The following SHROOM3 variants were observed in gnomAD, a reference collection of about 807,000 sequenced individuals.
SHROOM3 encodes protein Shroom3.
A neutral mutation model predicts 138.6 loss-of-function variants in SHROOM3; 47 were observed. That is an observed-to-expected ratio of 0.34 (90% confidence interval 0.27 to 0.43). SHROOM3 has a LOEUF of 0.43. SHROOM3 is among the 20% of genes least tolerant of loss of function. SHROOM3 has a pLI of 1.00. For missense variants in SHROOM3, 2,491 were observed against 2,596.5 expected (o/e 0.96, Z 0.88); for synonymous variants, 1,062 against 1,063.3 (o/e 1.00, Z 0.02).
In SHROOM3 at chr4:76,753,948, T is replaced by C. The variant is rs138726938; in HGVS notation, c.3828-363T>C. 3.9e-3 allele frequency among the ~76,000 whole-genome samples: 596 copies of C among 152,316 alleles called. 1 individual carries two copies. The highest frequency in any genetic ancestry group is 0.014 in the Middle Eastern group (4 of 294). ...AGCTGGGAGCTATTTCCTGAAGTAGTCCTAAAAGGGGCTGAAGAAATGTAC... is the reference window on the plus strand; with the variant it reads ...AGCTGGGAGCTATTTCCTGAAGTAGCCCTAAAAGGGGCTGAAGAAATGTAC... On this transcript the variant is annotated intron_variant, in intron 6 of 10. Transcript: ENST00000296043.
In SHROOM3 at chr4:76,638,060, G is replaced by C. The variant is rs181778279; in HGVS notation, c.324-72096G>C. ...GGACACCTAAGAGGTTATCTTCTTG[G>C]AGAGGTCAAAGAAAGCTTTTGCCAA... is the stretch of plus-strand genomic sequence containing the variant. On this transcript the variant is annotated intron_variant, in intron 2 of 10. Transcript: ENST00000296043. 4.8e-3 allele frequency among the ~76,000 whole-genome samples: 734 copies of C among 152,234 alleles called. 9 individuals carry two copies. The highest frequency in any genetic ancestry group is 8.7e-3 in the Non-Finnish European group (591 of 68,024).
intron 6 of SHROOM3, among the ~76,000 whole-genome samples, chr4:76,752,474 C>CT (rs200154141): frequency 7.5e-4 from 108 of 144,764 alleles, no homozygotes; most frequent in South Asian, 1.3e-3. Context: ...AATGCTTTTT[C>CT]TTTTTTTTTT....
chr4:76,650,832 T>C (rs1452780139), intron 2 of SHROOM3, among the ~76,000 whole-genome samples: 1 of 152,160 alleles, frequency 6.6e-6, no homozygotes, highest in Non-Finnish European at 1.5e-5. Flanking sequence ...CATGAGCCAC[T>C]GCGCTGGCCT....
chr4:76,518,042 G>A (rs1301901084), intron 1 of SHROOM3, among the ~76,000 whole-genome samples: 1 of 152,202 alleles, frequency 6.6e-6, no homozygotes, highest in Non-Finnish European at 1.5e-5. Context: ...CTTTTAAAAT[G>A]AGAGATTTAT....
chr4:76,463,421 C>T (rs997101441), intron 1 of SHROOM3, among the ~76,000 whole-genome samples: 1 of 152,150 alleles, frequency 6.6e-6, no homozygotes, highest in African/African-American at 2.4e-5. Context: ...GAAATTAGAA[C>T]TTATATTTAA....
chr4:76,688,549 G>A, intron 2 of SHROOM3: 1 of 985,344 alleles, frequency 1.0e-6, no homozygotes, highest in Non-Finnish European at 1.2e-6. Flanking sequence ...TTTCATCTCT[G>A]GAGGTGACAC....
intron 6 of SHROOM3, among the ~76,000 whole-genome samples, chr4:76,750,099 C>T (rs1721571004): frequency 6.6e-6 from 1 of 152,112 alleles, no homozygotes; most frequent in African/African-American, 2.4e-5. Context: ...GCTTTCTAGC[C>T]AAGATCAGCC....
intron 1 of SHROOM3, among the ~76,000 whole-genome samples, chr4:76,442,639 T>G (rs1352837053): frequency 6.6e-6 from 1 of 151,692 alleles, no homozygotes; most frequent in East Asian, 1.9e-4. Context: ...TCGATCTCCT[T>G]ACCTTATGAT....
intron 2 of SHROOM3, among the ~76,000 whole-genome samples, chr4:76,624,254 C>T (rs191512778): frequency 2.0e-5 from 3 of 152,064 alleles, no homozygotes; most frequent in African/African-American, 4.8e-5. Flanking sequence ...GTCCTTCCGT[C>T]GTCTGGGGCC....
intron 2 of SHROOM3, among the ~76,000 whole-genome samples, chr4:76,586,765 C>G (rs183438452): frequency 6.6e-6 from 1 of 152,330 alleles, no homozygotes; most frequent in South Asian, 2.1e-4. Context: ...AGTAAAGTAA[C>G]TTTTAGTTAA....
At chr4:76,553,852 G>A (rs1733420663) in intron 1 of SHROOM3, among the ~76,000 whole-genome samples, 1 of 152,156 alleles carries the variant, frequency 6.6e-6, no homozygotes, top group South Asian at 2.1e-4. Flanking sequence ...ACGAATGGAA[G>A]GTGCAGATAT....
intron 1 of SHROOM3, among the ~76,000 whole-genome samples, chr4:76,482,350 A>G (rs7660846): frequency 9.2e-4 from 140 of 152,308 alleles, no homozygotes; most frequent in African/African-American, 3.3e-3. Flanking sequence ...AAGCATTCCT[A>G]TATACCAATA....
At chr4:76,662,974 A>T (rs1294109126) in intron 2 of SHROOM3, among the ~76,000 whole-genome samples, 1 of 152,022 alleles carries the variant, frequency 6.6e-6, no homozygotes, top group Non-Finnish European at 1.5e-5. Flanking sequence ...AGAGATTCAC[A>T]GAGTTGGTTA....
At chr4:76,692,431 T>G (rs1719582893) in intron 2 of SHROOM3, among the ~76,000 whole-genome samples, 1 of 152,206 alleles carries the variant, frequency 6.6e-6, no homozygotes, top group Non-Finnish European at 1.5e-5. Context: ...ATTCTGAAGG[T>G]GTAGAGTACA....
intron 2 of SHROOM3, among the ~76,000 whole-genome samples, chr4:76,566,534 C>T (rs1733729651): frequency 6.6e-6 from 1 of 152,206 alleles, no homozygotes; most frequent in South Asian, 2.1e-4. Flanking sequence ...AAATACCACC[C>T]CCTCCACATA....
intron 1 of SHROOM3, among the ~76,000 whole-genome samples, chr4:76,508,273 G>T (rs1051180604): frequency 2.0e-5 from 3 of 152,076 alleles, no homozygotes; most frequent in Non-Finnish European, 4.4e-5. Context: ...TTGATCTGTG[G>T]ATATCCAGCT....
chr4:76,749,229 C>CT (rs11374158), intron 6 of SHROOM3, 139 bp downstream of exon 6: 190,954 of 631,516 alleles, frequency 0.3, 18,965 homozygotes, highest in African/African-American at 0.34. Flanking sequence ...CCATGGATAA[C>CT]TTTTTTTTTT....
At chr4:76,688,506 G>C in intron 2 of SHROOM3, 1 of 985,324 alleles carries the variant, frequency 1.0e-6, no homozygotes, top group Non-Finnish European at 1.2e-6. Context: ...CTGCTTGAAT[G>C]AGAATAAAGC....
chr4:76,551,024 G>A (rs67660658), intron 1 of SHROOM3, among the ~76,000 whole-genome samples: 51,280 of 151,024 alleles, frequency 0.34, 9,152 homozygotes, highest in East Asian at 0.41. Flanking sequence ...ATTTTTTTTC[G>A]AGACAGGGTC....
Sources: gnomAD v4.1 joint callset for allele counts (sites outside exome capture counted in the v4.1 genomes callset) on GRCh38, gnomAD v4.1.1 for gene constraint, MANE v1.5 for transcripts, NCBI Gene and HGNC (gene_info 2026-07-23, HGNC 2026-07-21) for gene names.